Variants in TAF3 observed in about 807,000 individuals in gnomAD.
TAF3 encodes transcription initiation factor TFIID subunit 3.
TAF3 carries 7 observed loss-of-function variants against 80.6 expected under a neutral mutation model. That is an observed-to-expected ratio of 0.09 (90% CI 0.05 to 0.16). The LOEUF is 0.16. TAF3 is among the 10% of genes least tolerant of loss of function. TAF3 has a pLI of 1.00. For synonymous variants in TAF3, 444 were observed against 446.1 expected, an observed-to-expected ratio of 1.00 and a Z score of 0.06; for missense variants, 921 against 1,140.2, an observed-to-expected ratio of 0.81 and a Z score of 2.77.
Position 8,013,845 on chromosome 10 carries a change from C to G in TAF3, c.2675+8C>G, listed in dbSNP as rs1832078101. ...CGATGACTGGTACCACTGGTGAGTG[C>G]CCAGGGCGCCCTGCCGGCCACACTC... On this transcript the variant is annotated splice_region_variant and intron_variant, in intron 6 of 6. Coordinates refer to ENST00000344293, the MANE Select transcript of TAF3 (RefSeq NM_031923.4). 1 of 1,611,032 alleles carries G rather than the reference C, an allele frequency of 6.2e-7. No individual in the cohort carries two copies. The highest frequency in any genetic ancestry group is 1.3e-5 in the African/African-American group (1 of 74,854).
At chr10:7,996,760 A>G (rs890343099) in intron 4 of TAF3, among the ~76,000 whole-genome samples, 1 of 134,736 alleles carries the variant, frequency 7.4e-6, no homozygotes, top group African/African-American at 2.5e-5. Flanking sequence ...GCTCACTGCA[A>G]CCTCCACCTC....
chr10:7,913,749 C>G (rs1156848633), intron 2 of TAF3, among the ~76,000 whole-genome samples: 1 of 152,148 alleles, frequency 6.6e-6, no homozygotes, highest in African/African-American at 2.4e-5. Flanking sequence ...GATACTTGTG[C>G]CTCTTTAGGG....
At chr10:7,831,694 C>T (rs1206692334) in intron 2 of TAF3, among the ~76,000 whole-genome samples, 3 of 152,032 alleles carry the variant, frequency 2.0e-5, no homozygotes, top group Non-Finnish European at 4.4e-5. Context: ...CATCTTTGGC[C>T]AGTGGCAGCT....
intron 2 of TAF3, among the ~76,000 whole-genome samples, chr10:7,842,014 A>G (rs948045505): frequency 3.3e-4 from 50 of 151,814 alleles, no homozygotes; most frequent in African/African-American, 1.2e-3. Context: ...GGCTTTTACC[A>G]AATGACTGCC....
intron 2 of TAF3, among the ~76,000 whole-genome samples, chr10:7,872,531 A>G (rs965108008): frequency 6.6e-6 from 1 of 152,212 alleles, no homozygotes; most frequent in African/African-American, 2.4e-5. Context: ...GCTCTGAGCA[A>G]ATTACTCAAT....
intron 2 of TAF3, among the ~76,000 whole-genome samples, chr10:7,855,331 CCAAA>C (rs1474474362): frequency 6.6e-6 from 1 of 152,110 alleles, no homozygotes; most frequent in Non-Finnish European, 1.5e-5. Context: ...CTTCAAAGGG[CCAAA>C]CAAAGGGACC....
intron 2 of TAF3, among the ~76,000 whole-genome samples, chr10:7,946,898 C>T (rs187963737): frequency 3.9e-5 from 6 of 152,224 alleles, no homozygotes; most frequent in Admixed American, 2.0e-4. Context: ...TTACCCTACT[C>T]GTTAAAACTT....
intron 2 of TAF3, among the ~76,000 whole-genome samples, chr10:7,905,727 A>G (rs1255182065): frequency 1.3e-5 from 2 of 151,998 alleles, no homozygotes; most frequent in Non-Finnish European, 2.9e-5. Flanking sequence ...TAAAAATACA[A>G]AAAAAATTAG....
At chr10:7,844,543 AT>A (rs1836950689) in intron 2 of TAF3, among the ~76,000 whole-genome samples, 1 of 151,762 alleles carries the variant, frequency 6.6e-6, no homozygotes, top group African/African-American at 2.4e-5. Context: ...CACCCAGCTA[AT>A]TTTTTTGTAT....
At chr10:7,988,941 A>AT (rs1173349072) in intron 4 of TAF3, among the ~76,000 whole-genome samples, 11 of 151,748 alleles carry the variant, frequency 7.2e-5, no homozygotes, top group Non-Finnish European at 1.5e-4. Context: ...CACAGTAAAA[A>AT]TTTTTTCTGT....
chr10:7,963,767 C>G (rs1165741806), intron 2 of TAF3, among the ~76,000 whole-genome samples, 153 bp from the exon 3 acceptor site: 2 of 151,922 alleles, frequency 1.3e-5, no homozygotes, highest in Non-Finnish European at 2.9e-5. Context: ...GTGTAACAAA[C>G]CTGCATGTTG....
chr10:7,997,786 G>T (rs982223990), intron 4 of TAF3, among the ~76,000 whole-genome samples: 4 of 152,056 alleles, frequency 2.6e-5, no homozygotes, highest in Non-Finnish European at 5.9e-5. Context: ...AAACAGGAGA[G>T]AAAAAGGGAT....
intron 2 of TAF3, among the ~76,000 whole-genome samples, chr10:7,942,710 G>A (rs1588560377): frequency 6.6e-6 from 1 of 152,266 alleles, no homozygotes; most frequent in Admixed American, 6.5e-5. Context: ...TGAAATCCAG[G>A]GGCCCCATCC....
At chr10:7,966,802 A>G (rs965868914) in intron 3 of TAF3, among the ~76,000 whole-genome samples, 4 of 152,178 alleles carry the variant, frequency 2.6e-5, no homozygotes, top group African/African-American at 9.7e-5. Flanking sequence ...GACAGCAGTA[A>G]TGGCAACTCC....
chr10:8,006,903 C>T (rs542080419), intron 4 of TAF3, among the ~76,000 whole-genome samples: 1 of 152,126 alleles, frequency 6.6e-6, no homozygotes, highest in Non-Finnish European at 1.5e-5. Flanking sequence ...TCACTACAAC[C>T]CTCTGAGGCC....
chr10:7,868,441 G>A (rs1837235558), intron 2 of TAF3, among the ~76,000 whole-genome samples: 1 of 151,790 alleles, frequency 6.6e-6, no homozygotes, highest in African/African-American at 2.4e-5. Context: ...GTGTGACATA[G>A]CAGCCAAGCT....
At chr10:7,855,270 A>G (rs1837067136) in intron 2 of TAF3, among the ~76,000 whole-genome samples, 2 of 152,118 alleles carry the variant, frequency 1.3e-5, no homozygotes, top group Non-Finnish European at 2.9e-5. Flanking sequence ...GGATACATGG[A>G]TTTCCTCCCT....
Position 7,935,080 on chromosome 10 carries a change from C to T in TAF3, c.410-28840C>T, listed in dbSNP as rs1325165114. ...TCACTTGAGGTCAGGAGTTCAAGAC[C>T]AGCCTGGCCAACATGGTGAAACCGC... On this transcript the variant is annotated intron_variant, in intron 2 of 6. Coordinates refer to ENST00000344293, the MANE Select transcript of TAF3 (RefSeq NM_031923.4). Among the ~76,000 whole-genome samples, 3 of 152,056 alleles carry T rather than the reference C, an allele frequency of 2.0e-5. No homozygotes were observed. In the East Asian group the frequency reaches 5.8e-4, roughly 30 times the overall value.
chr10:7,872,213 A>ATTTTTTGTTTT (rs1837273107), intron 2 of TAF3, among the ~76,000 whole-genome samples: 1 of 121,972 alleles, frequency 8.2e-6, no homozygotes, highest in East Asian at 2.4e-4. Context: ...TGTTGGGTTG[A>ATTTTTTGTTTT]TTTTTTTTTT....
Sources: gnomAD v4.1 joint callset for allele counts (sites outside exome capture counted in the v4.1 genomes callset) on GRCh38, gnomAD v4.1.1 for gene constraint, MANE v1.5 for transcripts, NCBI Gene and HGNC (gene_info 2026-07-23, HGNC 2026-07-21) for gene names.